SSBP2: variants seen among roughly 807,000 people sequenced by gnomAD.
SSBP2 encodes the protein single-stranded DNA-binding protein 2.
Under a neutral mutation model 61.8 loss-of-function variants are expected in SSBP2, and 17 were observed. The ratio of observed to expected loss-of-function variants is 0.28; its 90% confidence interval spans 0.19 to 0.41. The LOEUF (loss-of-function observed/expected upper bound fraction) is 0.41. Ranked by LOEUF, SSBP2 falls within the 10% of genes least tolerant of loss-of-function variation. The probability of loss-of-function intolerance (pLI) is 1.00; values close to 1 mark genes in which losing one functional copy is unlikely to be tolerated. For synonymous variants in SSBP2, 139 were observed against 141.3 expected (o/e 0.98, Z 0.12); for missense variants, 310 against 458.7 (o/e 0.68, Z 2.96).
intron 4 of SSBP2, among the ~76,000 whole-genome samples, chr5:81,524,098 G>A (rs1162377432): frequency 1.3e-5 from 2 of 152,044 alleles, no homozygotes; most frequent in South Asian, 2.1e-4. Context: ...AAGATAAACT[G>A]GATAATTATA....
chr5:81,615,442 T>G, intron 4 of SSBP2, 31 bp downstream of exon 4: 1 of 1,499,882 alleles, frequency 6.7e-7, no homozygotes, highest in Non-Finnish European at 9.3e-7. Flanking sequence ...AAACTGACAG[T>G]GTAACTTTGT....
chr5:81,659,829 A>C (rs1379306538), intron 1 of SSBP2, among the ~76,000 whole-genome samples: 1 of 152,198 alleles, frequency 6.6e-6, no homozygotes, highest in Non-Finnish European at 1.5e-5. Context: ...ACTGGTACCA[A>C]AACAGATATA....
At chr5:81,641,169 T>C (rs1346658480) in intron 2 of SSBP2, among the ~76,000 whole-genome samples, 1 of 152,100 alleles carries the variant, frequency 6.6e-6, no homozygotes, top group African/African-American at 2.4e-5. Context: ...TCATCCTTAC[T>C]AAGCAGCCTC....
chr5:81,629,007 G>C (rs1398407641), intron 3 of SSBP2, among the ~76,000 whole-genome samples: 2 of 150,514 alleles, frequency 1.3e-5, no homozygotes, highest in African/African-American at 2.4e-5. Flanking sequence ...TTTTTTTTGA[G>C]ACAAGGTCTT....
chr5:81,560,047 T>C (rs1033425730), intron 4 of SSBP2, among the ~76,000 whole-genome samples: 2 of 152,182 alleles, frequency 1.3e-5, no homozygotes, highest in Admixed American at 1.3e-4. Context: ...AAAATATGAT[T>C]GCTTCCCCAG....
rs1435534211 is a variant in SSBP2 at position 81,488,048 on chromosome 5, TATATATATATAA to T, written c.432+1190_432+1201del. 2.9e-4 allele frequency among the ~76,000 whole-genome samples: 14 copies of T among 47,664 alleles called. No individual in the cohort carries two copies. In the South Asian group the frequency reaches 7.0e-3, roughly 24 times the overall value. The allele number at this position is 47,664 out of a possible 152,430, so 31.3% of individuals were successfully genotyped here. ...ATATATATATATATATATATATATA[TATATATATATAA>T]ATAAAATATCATATATTATATATAT... is the stretch of plus-strand genomic sequence containing the variant. On this transcript the variant is annotated intron_variant, in intron 6 of 16. Transcript: ENST00000320672.
chr5:81,678,930 C>T (rs1266633875), intron 1 of SSBP2, among the ~76,000 whole-genome samples: 1 of 152,142 alleles, frequency 6.6e-6, no homozygotes, highest in African/African-American at 2.4e-5. Context: ...AAGAAATTAA[C>T]ATCTGTCAGA....
At chr5:81,478,899 C>G (rs1765780875) in intron 6 of SSBP2, among the ~76,000 whole-genome samples, 1 of 152,206 alleles carries the variant, frequency 6.6e-6, no homozygotes, top group Non-Finnish European at 1.5e-5. Flanking sequence ...CAAAACTTTA[C>G]TGTTTCTAGT....
chr5:81,553,191 T>G (rs1237249935), intron 4 of SSBP2, among the ~76,000 whole-genome samples: 1 of 152,216 alleles, frequency 6.6e-6, no homozygotes, highest in South Asian at 2.1e-4. Context: ...TAAGGTTAAG[T>G]AGAGCCAACA....
chr5:81,497,865 G>T (rs989744042), intron 5 of SSBP2, among the ~76,000 whole-genome samples: 4 of 152,122 alleles, frequency 2.6e-5, no homozygotes, highest in African/African-American at 9.6e-5. Flanking sequence ...ACATGATTTG[G>T]CACAAAAGGA....
At chr5:81,690,909 AGAG>A (rs1315505847) in intron 1 of SSBP2, among the ~76,000 whole-genome samples, 3 of 152,190 alleles carry the variant, frequency 2.0e-5, no homozygotes, top group African/African-American at 7.2e-5. Flanking sequence ...CTCGGTAACA[AGAG>A]GAGTTCTGGG....
At chr5:81,458,615 C>T (rs6452414) in intron 10 of SSBP2, among the ~76,000 whole-genome samples, 103,418 of 152,114 alleles carry the variant, frequency 0.68, 37,245 homozygotes, top group African/African-American at 0.91. Flanking sequence ...ACAACTACTT[C>T]AATATGCTGC....
intron 10 of SSBP2, among the ~76,000 whole-genome samples, chr5:81,450,102 C>A (rs543196528): frequency 2.0e-4 from 31 of 152,280 alleles, no homozygotes; most frequent in African/African-American, 7.2e-4. Context: ...ACAAACAAGG[C>A]TCACTGCAGT....
At chr5:81,729,639 T>C (rs1253624325) in intron 1 of SSBP2, among the ~76,000 whole-genome samples, 1 of 152,088 alleles carries the variant, frequency 6.6e-6, no homozygotes, top group Non-Finnish European at 1.5e-5. Flanking sequence ...ACACTATGAG[T>C]ATTAGGTTGT....
At chr5:81,603,979 C>T (rs577986124) in intron 4 of SSBP2, among the ~76,000 whole-genome samples, 5 of 152,084 alleles carry the variant, frequency 3.3e-5, no homozygotes, top group Admixed American at 3.3e-4. Flanking sequence ...AATAATTGAC[C>T]ACATTGCACT....
At chr5:81,645,082 T>C (rs1056152173) in intron 2 of SSBP2, among the ~76,000 whole-genome samples, 11 of 152,216 alleles carry the variant, frequency 7.2e-5, no homozygotes, top group African/African-American at 2.4e-4. Context: ...GCAATGTGCA[T>C]ATACTAACTC....
At chr5:81,479,837 T>C (rs1430084931) in intron 6 of SSBP2, among the ~76,000 whole-genome samples, 3 of 152,192 alleles carry the variant, frequency 2.0e-5, no homozygotes, top group Non-Finnish European at 2.9e-5. Flanking sequence ...TGTTAATTTG[T>C]CCATGGTTAT....
At chr5:81,543,074 C>T (rs981987646) in intron 4 of SSBP2, among the ~76,000 whole-genome samples, 7 of 152,126 alleles carry the variant, frequency 4.6e-5, no homozygotes, top group South Asian at 4.2e-4. Context: ...AGGGTGGTCT[C>T]GAACTCCTGA....
intron 4 of SSBP2, chr5:81,614,951 G>A (rs1183770809): frequency 6.6e-6 from 1 of 151,830 alleles, no homozygotes; most frequent in African/African-American, 2.4e-5. Flanking sequence ...TTTCATTTTT[G>A]CACAGAATCT....
Sources: gnomAD v4.1 joint callset for allele counts (sites outside exome capture counted in the v4.1 genomes callset) on GRCh38, gnomAD v4.1.1 for gene constraint, MANE v1.5 for transcripts, NCBI Gene and HGNC (gene_info 2026-07-23, HGNC 2026-07-21) for gene names.